GRID2: variants seen among roughly 807,000 people sequenced by gnomAD.
GRID2 encodes the protein glutamate ionotropic receptor delta type subunit 2.
In GRID2, 33 loss-of-function variants were observed where a neutral mutation model predicts 114.8. The observed-to-expected ratio is 0.29, with a 90% CI of 0.22 to 0.38. The LOEUF (loss-of-function observed/expected upper bound fraction) is 0.38. Ranked by LOEUF, GRID2 falls within the 10% of genes least tolerant of loss-of-function variation. The pLI is 1.00. For synonymous variants in GRID2, 505 were observed against 449.9 expected, an observed-to-expected ratio of 1.12 and a Z score of -1.55; for missense variants, 1,184 against 1,257.7, an observed-to-expected ratio of 0.94 and a Z score of 0.89.
chr4:93,653,607 A>C (rs1722769687), intron 14 of GRID2, among the ~76,000 whole-genome samples: 1 of 152,168 alleles, frequency 6.6e-6, no homozygotes, highest in South Asian at 2.1e-4. Context: ...CTGCCTTCTA[A>C]ATGTAGTTAG....
chr4:93,332,196 G>A (rs980258036), intron 8 of GRID2, among the ~76,000 whole-genome samples: 2 of 151,650 alleles, frequency 1.3e-5, no homozygotes, highest in African/African-American at 4.8e-5. Context: ...TTGACTTACA[G>A]AAGAAAGACA....
At chr4:93,333,274 A>G (rs11945966) in intron 8 of GRID2, among the ~76,000 whole-genome samples, 38,490 of 151,966 alleles carry the variant, frequency 0.25, 8,179 homozygotes, top group African/African-American at 0.58. Context: ...TAGAAGGTAT[A>G]GAATGAAGCT....
chr4:93,371,572 A>G (rs1762915536), intron 8 of GRID2, among the ~76,000 whole-genome samples: 1 of 152,128 alleles, frequency 6.6e-6, no homozygotes. Flanking sequence ...TACTCTGGTC[A>G]GAAGATGAAC....
chr4:93,648,265 G>T (rs6850647), intron 14 of GRID2, among the ~76,000 whole-genome samples: 200 of 152,272 alleles, frequency 1.3e-3, no homozygotes, highest in African/African-American at 4.0e-3. Flanking sequence ...GAGACAGAAG[G>T]TTGGGTAAGA....
chr4:93,012,020 A>T (rs1207598362), intron 2 of GRID2, among the ~76,000 whole-genome samples: 3 of 150,932 alleles, frequency 2.0e-5, no homozygotes, highest in African/African-American at 7.3e-5. Context: ...TAGCACTGAA[A>T]TAGTTGGTCA....
intron 1 of GRID2, among the ~76,000 whole-genome samples, chr4:92,574,802 G>A (rs1225404110): frequency 6.6e-6 from 1 of 151,914 alleles, no homozygotes; most frequent in African/African-American, 2.4e-5. Context: ...ATGTGTCTTG[G>A]GGATGATCTT....
chr4:92,362,538 A>C (rs1358268176), intron 1 of GRID2, among the ~76,000 whole-genome samples: 2 of 151,916 alleles, frequency 1.3e-5, no homozygotes, highest in East Asian at 3.9e-4. Context: ...TATAAATTTC[A>C]GTTTTCTTTG....
chr4:93,613,792 G>A (rs1741252919), intron 13 of GRID2, among the ~76,000 whole-genome samples: 2 of 151,790 alleles, frequency 1.3e-5, no homozygotes, highest in South Asian at 2.1e-4. Context: ...CCCAAGACGT[G>A]GAGCCTACAG....
chr4:93,605,661 A>C (rs2149650289), intron 13 of GRID2, among the ~76,000 whole-genome samples: 1 of 152,306 alleles, frequency 6.6e-6, no homozygotes, highest in African/African-American at 2.4e-5. Flanking sequence ...AACAAAAAGT[A>C]TTTATCACTT....
intron 2 of GRID2, among the ~76,000 whole-genome samples, chr4:92,932,304 A>G (rs1006330127): frequency 1.3e-5 from 2 of 151,358 alleles, no homozygotes; most frequent in Non-Finnish European, 3.0e-5. Flanking sequence ...TGCTAATATC[A>G]TTAGACAAAT....
intron 8 of GRID2, among the ~76,000 whole-genome samples, chr4:93,332,610 T>C (rs895934570): frequency 3.9e-5 from 6 of 152,120 alleles, no homozygotes; most frequent in Non-Finnish European, 7.4e-5. Context: ...AAATTTGTTA[T>C]AATGTTATAT....
chr4:92,630,176 A>G (rs931118104), intron 2 of GRID2, among the ~76,000 whole-genome samples: 1 of 152,104 alleles, frequency 6.6e-6, no homozygotes, highest in Admixed American at 6.5e-5. Context: ...ACTGTTGAAC[A>G]TGGTGTAGCC....
intron 2 of GRID2, among the ~76,000 whole-genome samples, chr4:92,676,846 C>A (rs1397807176): frequency 6.6e-6 from 1 of 152,112 alleles, no homozygotes; most frequent in Non-Finnish European, 1.5e-5. Context: ...GCACTATTCT[C>A]AATAACCAAA....
At chr4:93,227,526 C>T (rs773262773) in intron 7 of GRID2, among the ~76,000 whole-genome samples, 1 of 152,084 alleles carries the variant, frequency 6.6e-6, no homozygotes, top group Non-Finnish European at 1.5e-5. Context: ...CATGCCTGTC[C>T]CTGAACATAG....
chr4:92,734,478 C>T (rs921776202), intron 2 of GRID2, among the ~76,000 whole-genome samples: 50 of 151,750 alleles, frequency 3.3e-4, no homozygotes, highest in Admixed American at 3.0e-3. Context: ...AAGATAGGTT[C>T]TTGCTATGTT....
chr4:93,751,345 G>A, intron 14 of GRID2, among the ~76,000 whole-genome samples: 1 of 151,950 alleles, frequency 6.6e-6, no homozygotes, highest in East Asian at 1.9e-4. Context: ...ATTCCCCTAG[G>A]GTGAGAATGA....
chr4:93,750,268 C>A (rs1376958545), intron 14 of GRID2, among the ~76,000 whole-genome samples: 1 of 152,134 alleles, frequency 6.6e-6, no homozygotes, highest in Non-Finnish European at 1.5e-5. Flanking sequence ...AAAGATGGAT[C>A]AATTAGTGGT....
intron 2 of GRID2, among the ~76,000 whole-genome samples, chr4:92,770,563 C>T (rs1560582423): frequency 6.6e-6 from 1 of 152,084 alleles, no homozygotes; most frequent in Non-Finnish European, 1.5e-5. Context: ...GTTTATTGGA[C>T]TTAACAGTTC....
chr4:92,745,337 G>T (rs1306869795), intron 2 of GRID2, among the ~76,000 whole-genome samples: 1 of 152,070 alleles, frequency 6.6e-6, no homozygotes, highest in Non-Finnish European at 1.5e-5. Context: ...ATTTCCCTTT[G>T]TTGAATTGAT....
Sources: allele counts gnomAD v4.1 joint callset (sites outside exome capture counted in the v4.1 genomes callset), GRCh38; gene constraint gnomAD v4.1.1; transcripts MANE v1.5; gene names NCBI Gene and HGNC (gene_info 2026-07-23, HGNC 2026-07-21).